Variants in KLHL32 observed in about 807,000 individuals in gnomAD.
KLHL32 encodes kelch like family member 32.
A neutral mutation model predicts 64.8 loss-of-function variants in KLHL32; 35 were observed. The ratio of observed to expected loss-of-function variants is 0.54; its 90% CI spans 0.41 to 0.72. The LOEUF (loss-of-function observed/expected upper bound fraction) is 0.72, where lower values mean the gene tolerates loss of function less well. Ranked by LOEUF, KLHL32 falls within the 30% of genes least tolerant of loss-of-function variation. The pLI is 0.00. For synonymous variants in KLHL32, 259 were observed against 281.0 expected (o/e 0.92, Z 0.78); for missense variants, 589 against 768.5 (o/e 0.77, Z 2.76).
At chr6:96,940,854 G>A (rs933882104) in intron 1 of KLHL32, among the ~76,000 whole-genome samples, 2 of 152,176 alleles carry the variant, frequency 1.3e-5, no homozygotes, top group Admixed American at 1.3e-4. Context: ...TAGAACAGCC[G>A]AGAGAAAAGA....
At chr6:96,964,517 T>G (rs1290105608) in intron 1 of KLHL32, among the ~76,000 whole-genome samples, 3 of 152,156 alleles carry the variant, frequency 2.0e-5, no homozygotes, top group African/African-American at 7.2e-5. Context: ...GCAGGGCGTG[T>G]TGGCCGGCGC....
chr6:97,054,179 T>C (rs780266184), intron 4 of KLHL32, among the ~76,000 whole-genome samples: 2 of 152,200 alleles, frequency 1.3e-5, no homozygotes, highest in African/African-American at 2.4e-5. Flanking sequence ...ACTTTTAAGA[T>C]GATTTATATT....
chr6:96,927,399 G>T (rs1029446432), intron 1 of KLHL32, among the ~76,000 whole-genome samples: 2 of 152,134 alleles, frequency 1.3e-5, no homozygotes, highest in Non-Finnish European at 2.9e-5. Flanking sequence ...AACATAAGTG[G>T]GAACTCAGAG....
At chr6:96,914,490 A>G in the KLHL32 span, among the ~76,000 whole-genome samples, 12 of 152,078 alleles carry the variant, frequency 7.9e-5, no homozygotes, top group Non-Finnish European at 1.0e-4. Context: ...GCTTTACCAA[A>G]TAGATTATGC....
At chr6:96,940,081 T>C (rs1371262344) in intron 1 of KLHL32, among the ~76,000 whole-genome samples, 1 of 152,114 alleles carries the variant, frequency 6.6e-6, no homozygotes, top group Non-Finnish European at 1.5e-5. Flanking sequence ...AAGGTAACAT[T>C]CCATACAACT....
chr6:97,113,356 A>T (rs1175880955), intron 6 of KLHL32, among the ~76,000 whole-genome samples: 1 of 152,086 alleles, frequency 6.6e-6, no homozygotes, highest in East Asian at 1.9e-4. Context: ...TTGATACAGC[A>T]CCTTGGCTTA....
upstream of KLHL32, among the ~76,000 whole-genome samples, chr6:96,922,467 G>C (rs1186267024): frequency 4.7e-5 from 7 of 150,334 alleles, no homozygotes; most frequent in Non-Finnish European, 1.0e-4. Flanking sequence ...GCCTAAATTA[G>C]GCAGAGAGTT....
intron 3 of KLHL32, among the ~76,000 whole-genome samples, chr6:96,994,785 A>G (rs1382274042): frequency 6.6e-6 from 1 of 152,256 alleles, no homozygotes; most frequent in African/African-American, 2.4e-5. Context: ...TAATTTAAGC[A>G]GTGTGAGCAC....
intron 4 of KLHL32, among the ~76,000 whole-genome samples, chr6:97,049,306 C>T (rs2128134574): frequency 6.6e-6 from 1 of 152,310 alleles, no homozygotes; most frequent in South Asian, 2.1e-4. Context: ...AAAATAAACA[C>T]AAGCACTGAG....
intron 7 of KLHL32, among the ~76,000 whole-genome samples, chr6:97,122,500 T>G (rs1269831730): frequency 1.3e-5 from 2 of 152,216 alleles, no homozygotes; most frequent in Non-Finnish European, 2.9e-5. Context: ...TTATAAATGT[T>G]CCTATGGTAT....
chr6:96,998,722 C>T (rs1197745602), intron 3 of KLHL32, among the ~76,000 whole-genome samples: 2 of 152,092 alleles, frequency 1.3e-5, no homozygotes, highest in East Asian at 3.9e-4. Context: ...ATGTTTATGC[C>T]AAAAACAACA....
chr6:97,014,574 G>T, intron 3 of KLHL32, among the ~76,000 whole-genome samples: 1 of 152,132 alleles, frequency 6.6e-6, no homozygotes, highest in East Asian at 1.9e-4. Flanking sequence ...TAGAGAAAAA[G>T]AATTCATTGA....
At chr6:97,078,332 C>A (rs1234599382) in intron 5 of KLHL32, among the ~76,000 whole-genome samples, 1 of 152,130 alleles carries the variant, frequency 6.6e-6, no homozygotes, top group African/African-American at 2.4e-5. Flanking sequence ...ATGTCTCCTG[C>A]CTATCTTTAT....
chr6:97,016,470 T>C (rs1781209338), intron 3 of KLHL32, among the ~76,000 whole-genome samples: 1 of 152,358 alleles, frequency 6.6e-6, no homozygotes, highest in Non-Finnish European at 1.5e-5. Context: ...CTCCTTTATT[T>C]TGGCCAATTT....
chr6:97,117,877 G>A (rs150196192), intron 7 of KLHL32, among the ~76,000 whole-genome samples: 48 of 152,182 alleles, frequency 3.2e-4, no homozygotes, highest in Admixed American at 7.2e-4. Context: ...AAAATAAGAG[G>A]CTAACTGCAA....
chr6:97,081,908 G>A (rs758488544), intron 5 of KLHL32, among the ~76,000 whole-genome samples: 1 of 152,226 alleles, frequency 6.6e-6, no homozygotes, highest in Non-Finnish European at 1.5e-5. Flanking sequence ...CTAGAGCCAA[G>A]CCAGGGTGGA....
chr6:96,964,365 A>C (rs1006178854), intron 1 of KLHL32, among the ~76,000 whole-genome samples: 1 of 152,208 alleles, frequency 6.6e-6, no homozygotes, highest in Non-Finnish European at 1.5e-5. Flanking sequence ...TATAAAAACA[A>C]ATATATGGTC....
chr6:96,949,218 G>C (rs1772278533), intron 1 of KLHL32, among the ~76,000 whole-genome samples: 1 of 152,170 alleles, frequency 6.6e-6, no homozygotes, highest in Admixed American at 6.5e-5. Flanking sequence ...TAAAGGTAAT[G>C]GCACATAGTA....
the KLHL32 span, among the ~76,000 whole-genome samples, chr6:96,909,194 G>C: frequency 6.6e-6 from 1 of 152,100 alleles, no homozygotes; most frequent in African/African-American, 2.4e-5. Context: ...CCTATCCTTT[G>C]GTAGGGTTAG....
Sources: gnomAD v4.1 joint callset for allele counts (sites outside exome capture counted in the v4.1 genomes callset) on GRCh38, gnomAD v4.1.1 for gene constraint, MANE v1.5 for transcripts, NCBI Gene and HGNC (gene_info 2026-07-23, HGNC 2026-07-21) for gene names.